The following PPM1B variants were observed in gnomAD, a reference collection of about 807,000 sequenced individuals.
PPM1B encodes protein phosphatase, Mg2+/Mn2+ dependent 1B.
Under a neutral mutation model 43.0 loss-of-function variants are expected in PPM1B, and 22 were observed. The ratio of observed to expected loss-of-function variants is 0.51; its 90% CI spans 0.37 to 0.73. PPM1B has a LOEUF of 0.73. Among genes scored for constraint, PPM1B ranks in the 30% least tolerant of loss-of-function variants. PPM1B has a pLI of 0.00. For synonymous variants in PPM1B, 217 were observed against 197.9 expected, an observed-to-expected ratio of 1.10 and a Z score of -0.81; for missense variants, 632 against 584.2, an observed-to-expected ratio of 1.08 and a Z score of -0.84.
intron 1 of PPM1B, among the ~76,000 whole-genome samples, chr2:44,196,692 T>A (rs1668679291): frequency 6.6e-6 from 1 of 152,232 alleles, no homozygotes; most frequent in Admixed American, 6.5e-5. Context: ...AGTCCTTTAT[T>A]TTTATCAGCA....
In PPM1B at chr2:44,178,472, A is replaced by ATG. The variant is rs1312865423; in HGVS notation, c.-15+9199_-15+9200insGT. On this transcript the variant is annotated intron_variant, in intron 1 of 5. Coordinates refer to ENST00000282412, the MANE Select transcript of PPM1B (RefSeq NM_002706.6). ...TATATGTATATATATATATATATAT[A>ATG]TATTTTTTTTTTTAGACAGAGTTTC... Among the ~76,000 whole-genome samples the ATG allele has an allele frequency of 4.2e-5, 3 of 71,224 alleles. No individual in the cohort carries two copies. The East Asian group carries it at 1.2e-3, about 29-fold the overall frequency. The allele number at this position is 71,224 out of a possible 152,430, so 46.7% of individuals were successfully genotyped here. A position where few individuals can be genotyped will look rare whatever the true frequency, so the allele number is the denominator to read the frequency against.
chr2:44,211,948 C>A (rs1267865087), intron 3 of PPM1B, among the ~76,000 whole-genome samples: 1 of 152,064 alleles, frequency 6.6e-6, no homozygotes, highest in Non-Finnish European at 1.5e-5. Context: ...GGGGTTTCTC[C>A]ATGTTGGTCA....
At chr2:44,174,668 T>G (rs1463995640) in intron 1 of PPM1B, among the ~76,000 whole-genome samples, 1 of 152,222 alleles carries the variant, frequency 6.6e-6, no homozygotes, top group African/African-American at 2.4e-5. Flanking sequence ...TAGAGTAATT[T>G]GTAAGAGTTT....
intron 1 of PPM1B, among the ~76,000 whole-genome samples, chr2:44,199,313 A>T (rs1201612157): frequency 3.0e-5 from 3 of 101,604 alleles, no homozygotes; most frequent in East Asian, 2.7e-4. Context: ...CAAAAAAAAA[A>T]AAAATAAAAA....
intron 5 of PPM1B, among the ~76,000 whole-genome samples, chr2:44,239,893 TTTG>T (rs1487302802): frequency 1.1e-5 from 1 of 87,624 alleles, no homozygotes. Flanking sequence ...TGTTTTTGTT[TTTG>T]TTTTTTTTTT....
chr2:44,231,651 A>G (rs1670473258), downstream of PPM1B, among the ~76,000 whole-genome samples: 1 of 152,132 alleles, frequency 6.6e-6, no homozygotes, highest in South Asian at 2.1e-4. Context: ...GCATACTTAA[A>G]TCTATTCTTT....
chr2:44,219,617 C>CT (rs1553335842), intron 5 of PPM1B, among the ~76,000 whole-genome samples: 1 of 152,024 alleles, frequency 6.6e-6, no homozygotes, highest in South Asian at 2.1e-4. Flanking sequence ...GATTCTGAGT[C>CT]TTTTTTTGTG....
chr2:44,199,148 C>G (rs1420464717), intron 1 of PPM1B, among the ~76,000 whole-genome samples: 1 of 151,646 alleles, frequency 6.6e-6, no homozygotes. Flanking sequence ...ACCCCAGCTA[C>G]CCGGGAGGCT....
chr2:44,175,691 G>A (rs1214891831), intron 1 of PPM1B, among the ~76,000 whole-genome samples: 1 of 152,116 alleles, frequency 6.6e-6, no homozygotes, highest in African/African-American at 2.4e-5. Context: ...TTAACAAAAG[G>A]AAAGGAAGAG....
At chr2:44,200,880 A>G (rs947011235) in intron 1 of PPM1B, among the ~76,000 whole-genome samples, 37 of 152,202 alleles carry the variant, frequency 2.4e-4, no homozygotes, top group African/African-American at 8.9e-4. Context: ...CCTTTCTCCT[A>G]GAACAGTGGT....
At chr2:44,174,846 G>A (rs1378896822) in intron 1 of PPM1B, among the ~76,000 whole-genome samples, 1 of 152,210 alleles carries the variant, frequency 6.6e-6, no homozygotes, top group African/African-American at 2.4e-5. Flanking sequence ...CAGCATGGGT[G>A]TTTAACCTAT....
At chr2:44,235,730 T>A (rs1670590942), downstream of PPM1B, among the ~76,000 whole-genome samples, 1 of 151,710 alleles carries the variant, frequency 6.6e-6, no homozygotes, top group African/African-American at 2.4e-5. Flanking sequence ...ACCTGGTTTC[T>A]ACACACAAAA....
intron 2 of PPM1B, 63 bp downstream of exon 2, chr2:44,202,108 T>C (rs1336379906): frequency 7.2e-7 from 1 of 1,395,406 alleles, no homozygotes; most frequent in African/African-American, 1.4e-5. Context: ...GTAGGTAAAG[T>C]TAAGCTAACT....
At chr2:44,203,006 T>C (rs1669011130) in intron 2 of PPM1B, among the ~76,000 whole-genome samples, 1 of 152,196 alleles carries the variant, frequency 6.6e-6, no homozygotes, top group Admixed American at 6.5e-5. Flanking sequence ...TTTGACTTAT[T>C]TATTCTGTCT....
At chr2:44,220,562 C>G (rs1373451966) in intron 5 of PPM1B, among the ~76,000 whole-genome samples, 1 of 152,164 alleles carries the variant, frequency 6.6e-6, no homozygotes, top group African/African-American at 2.4e-5. Context: ...ATCAGCAGAT[C>G]AAACACTGAC....
chr2:44,235,328 G>T (rs1047863254), downstream of PPM1B, among the ~76,000 whole-genome samples: 6 of 152,164 alleles, frequency 3.9e-5, no homozygotes, highest in Non-Finnish European at 8.8e-5. Flanking sequence ...TTAAGGGTAG[G>T]CACAGTGATT....
chr2:44,209,906 C>T (rs1669378777), intron 3 of PPM1B, among the ~76,000 whole-genome samples: 2 of 151,996 alleles, frequency 1.3e-5, no homozygotes, highest in Non-Finnish European at 2.9e-5. Context: ...AGGGAGAAGA[C>T]AAATATGTCT....
intron 5 of PPM1B, among the ~76,000 whole-genome samples, chr2:44,241,813 AG>A (rs1171247501): frequency 3.3e-5 from 5 of 151,238 alleles, no homozygotes; most frequent in Non-Finnish European, 7.4e-5. Context: ...GATTAAAAAA[AG>A]ATCTGTCCTA....
At chr2:44,222,061 G>T (rs1207925637) in intron 5 of PPM1B, among the ~76,000 whole-genome samples, 1 of 152,006 alleles carries the variant, frequency 6.6e-6, no homozygotes, top group Non-Finnish European at 1.5e-5. Context: ...AAATCTTTTG[G>T]AAAATTTCCA....
Sources: gnomAD v4.1 joint callset for allele counts (sites outside exome capture counted in the v4.1 genomes callset) on GRCh38, gnomAD v4.1.1 for gene constraint, MANE v1.5 for transcripts, NCBI Gene and HGNC (gene_info 2026-07-23, HGNC 2026-07-21) for gene names.